The following CAMTA1 variants were observed in gnomAD, a reference collection of about 807,000 sequenced individuals.
CAMTA1 encodes the protein calmodulin-binding transcription activator 1.
In CAMTA1, 27 loss-of-function variants were observed where a neutral mutation model predicts 170.9. The observed-to-expected ratio is 0.16, with a 90% CI of 0.12 to 0.22. CAMTA1 has a LOEUF of 0.22. Among genes scored for constraint, CAMTA1 ranks in the 10% least tolerant of loss-of-function variants. The probability of loss-of-function intolerance (pLI) is 1.00; values close to 1 mark genes in which losing one functional copy is unlikely to be tolerated. For missense variants in CAMTA1, 1,619 were observed against 2,217.2 expected (o/e 0.73, Z 5.42); for synonymous variants, 833 against 891.5 (o/e 0.93, Z 1.17).
intron 4 of CAMTA1, among the ~76,000 whole-genome samples, chr1:7,154,937 G>C (rs1453355909): frequency 6.6e-6 from 1 of 152,212 alleles, no homozygotes; most frequent in Non-Finnish European, 1.5e-5. Context: ...TGCCAGCATG[G>C]AGCCTGCAGC....
intron 5 of CAMTA1, among the ~76,000 whole-genome samples, chr1:7,439,204 G>C (rs1384975963): frequency 6.6e-6 from 1 of 152,164 alleles, no homozygotes; most frequent in African/African-American, 2.4e-5. Flanking sequence ...ACACAGGTGG[G>C]ACAGGCTCCC....
chr1:7,700,646 A>G (rs754124164), intron 11 of CAMTA1: 9 of 152,192 alleles, frequency 5.9e-5, no homozygotes, highest in Non-Finnish European at 1.3e-4. Flanking sequence ...AGCTTGCACA[A>G]TTGCCAGGGC....
intron 5 of CAMTA1, among the ~76,000 whole-genome samples, chr1:7,436,831 G>A (rs1420880523): frequency 6.6e-6 from 1 of 152,222 alleles, no homozygotes; most frequent in Non-Finnish European, 1.5e-5. Context: ...AATGCAGGCT[G>A]TGGCTGGGAG....
chr1:6,955,677 C>G (rs1001306900), intron 3 of CAMTA1, among the ~76,000 whole-genome samples: 1 of 152,152 alleles, frequency 6.6e-6, no homozygotes, highest in Non-Finnish European at 1.5e-5. Context: ...TGTGCCCGGT[C>G]CCTAGCTCCG....
intron 6 of CAMTA1, among the ~76,000 whole-genome samples, chr1:7,502,992 C>T (rs974595486): frequency 7.2e-5 from 11 of 152,146 alleles, no homozygotes; most frequent in African/African-American, 2.2e-4. Flanking sequence ...CTGTGGGCAA[C>T]GGCCATGTCC....
In CAMTA1 at chr1:7,673,384, G is replaced by A. The variant is rs1454203774; in HGVS notation, c.2779+2347G>A. ...GCGAGAGCAGTGAGTGAGAGGAGGT[G>A]TGTGAAGCACCTGGCCCAGTGCTCC... On this transcript the variant is annotated intron_variant, in intron 10 of 22. Coordinates refer to ENST00000303635, the MANE Select transcript of CAMTA1 (RefSeq NM_015215.4). This position sits in a 1 kb window ranked among gnomAD's most constrained non-coding sequence, Gnocchi z 4.6. 2.0e-5 allele frequency among the ~76,000 whole-genome samples: 3 copies of A among 152,232 alleles called. No homozygotes were observed. Among genetic ancestry groups the A allele is most frequent in the Admixed American group, 6.5e-5 (1 of 15,290 alleles).
At chr1:7,347,075 T>G (rs936748456) in intron 5 of CAMTA1, among the ~76,000 whole-genome samples, 1 of 152,186 alleles carries the variant, frequency 6.6e-6, no homozygotes, top group African/African-American at 2.4e-5. Context: ...TAGCAATAGA[T>G]GGTGAAGAGA....
intron 7 of CAMTA1, among the ~76,000 whole-genome samples, chr1:7,656,343 C>T (rs923606231): frequency 6.6e-6 from 1 of 152,196 alleles, no homozygotes; most frequent in African/African-American, 2.4e-5. Flanking sequence ...AGACAGCCAC[C>T]TTCTCACTGC....
rs1484497433 is a variant in CAMTA1 at position 7,532,792 on chromosome 1, GAAGA to G, written c.510+64899_510+64902del. On this transcript the variant is annotated intron_variant, in intron 6 of 22. Transcript: ENST00000303635. This position sits in a 1 kb window ranked among gnomAD's most constrained non-coding sequence, Gnocchi z 4.2. ...GGGAGATTTAATCCATGCTGGAGAA[GAAGA>G]AAGAAAGGGAAGGAACACAGAAAGA... is the stretch of plus-strand genomic sequence containing the variant. 1.3e-5 allele frequency among the ~76,000 whole-genome samples: 2 copies of G among 152,196 alleles called. No individual in the cohort carries two copies. Among genetic ancestry groups the G allele is most frequent in the Non-Finnish European group, 2.9e-5 (2 of 68,038 alleles).
At chr1:6,897,355 C>T (rs1033853046) in intron 3 of CAMTA1, among the ~76,000 whole-genome samples, 10 of 149,644 alleles carry the variant, frequency 6.7e-5, no homozygotes, top group Non-Finnish European at 1.3e-4. Context: ...GCTGCTGAGC[C>T]ACTGTGTGTT....
intron 10 of CAMTA1, among the ~76,000 whole-genome samples, chr1:7,675,306 G>A (rs984690639): frequency 6.6e-6 from 1 of 152,240 alleles, no homozygotes; most frequent in Non-Finnish European, 1.5e-5. Context: ...ATGATAGCAG[G>A]AACTAAAATA....
chr1:6,844,072 A>G (rs1426679959), intron 3 of CAMTA1, among the ~76,000 whole-genome samples: 1 of 152,226 alleles, frequency 6.6e-6, no homozygotes, highest in Non-Finnish European at 1.5e-5. Flanking sequence ...AAACTAATGA[A>G]TTGATGAATA....
At chr1:7,114,385 C>G (rs956637895) in intron 4 of CAMTA1, among the ~76,000 whole-genome samples, 1 of 149,606 alleles carries the variant, frequency 6.7e-6, no homozygotes, top group Admixed American at 6.7e-5. Context: ...CTGGGCCACA[C>G]TGGAAGAAGA....
chr1:6,834,426 G>T, intron 3 of CAMTA1: 1 of 217,914 alleles, frequency 4.6e-6, no homozygotes, highest in Non-Finnish European at 9.6e-6. Context: ...ATTTTTAGGT[G>T]CCTCGTTCGG....
intron 4 of CAMTA1, among the ~76,000 whole-genome samples, chr1:7,135,294 A>G (rs1342800025): frequency 6.6e-6 from 1 of 152,200 alleles, no homozygotes; most frequent in Non-Finnish European, 1.5e-5. Flanking sequence ...AGGCTGAGGC[A>G]GGAGAATTGC....
At chr1:6,935,387 A>C (rs534498107) in intron 3 of CAMTA1, among the ~76,000 whole-genome samples, 119 of 152,100 alleles carry the variant, frequency 7.8e-4, no homozygotes, top group African/African-American at 2.8e-3. Flanking sequence ...TGGCACCTGC[A>C]GCAAAAAAAA....
At chr1:7,619,563 G>A (rs903357894) in intron 6 of CAMTA1, among the ~76,000 whole-genome samples, 1 of 152,130 alleles carries the variant, frequency 6.6e-6, no homozygotes. Flanking sequence ...ATTCCCTTAT[G>A]AGGAAGATGG....
intron 4 of CAMTA1, among the ~76,000 whole-genome samples, chr1:7,204,732 A>G (rs1657349831): frequency 1.3e-5 from 2 of 150,428 alleles, no homozygotes; most frequent in African/African-American, 2.4e-5. Context: ...TGTTCTATCT[A>G]TTATTGAACC....
intron 3 of CAMTA1, among the ~76,000 whole-genome samples, chr1:7,023,300 G>A (rs894171819): frequency 5.5e-4 from 84 of 152,322 alleles, no homozygotes; most frequent in South Asian, 6.2e-4. Context: ...AGATGTAAGC[G>A]TAAAACTTGT....
Sources: gnomAD v4.1 joint callset for allele counts (sites outside exome capture counted in the v4.1 genomes callset) on GRCh38, gnomAD v4.1.1 for gene constraint, Gnocchi (gnomAD v3.1) non-coding constraint, MANE v1.5 for transcripts, NCBI Gene and HGNC (gene_info 2026-07-23, HGNC 2026-07-21) for gene names.